Variants in CHRM2 observed in about 807,000 individuals in gnomAD.
CHRM2 encodes the protein muscarinic acetylcholine receptor M2.
CHRM2 carries 8 observed loss-of-function variants against 25.0 expected under a neutral mutation model. That is an observed-to-expected ratio of 0.32 (90% CI 0.19 to 0.58). CHRM2 has a LOEUF of 0.58. Ranked by LOEUF, CHRM2 falls within the 20% of genes least tolerant of loss-of-function variation. The pLI, the probability that CHRM2 is intolerant of heterozygous loss-of-function variation, is 0.88. For synonymous variants in CHRM2, 202 were observed against 205.7 expected (o/e 0.98, Z 0.15); for missense variants, 440 against 567.1 (o/e 0.78, Z 2.28).
intron 3 of CHRM2, among the ~76,000 whole-genome samples, chr7:137,013,465 T>C (rs1804959297): frequency 6.6e-6 from 1 of 151,974 alleles, no homozygotes; most frequent in African/African-American, 2.4e-5. Flanking sequence ...TAATCAATAT[T>C]CCCAAATTTT....
chr7:136,965,644 A>C (rs1212053593), intron 2 of CHRM2, among the ~76,000 whole-genome samples: 1 of 152,086 alleles, frequency 6.6e-6, no homozygotes, highest in Non-Finnish European at 1.5e-5. Context: ...AAGAAAAAGA[A>C]GCTCCTACAG....
intron 2 of CHRM2, among the ~76,000 whole-genome samples, chr7:136,914,954 G>T (rs992693564): frequency 3.3e-5 from 5 of 151,842 alleles, no homozygotes; most frequent in African/African-American, 4.8e-5. Flanking sequence ...CTAACAAAAA[G>T]AATTGTGATC....
chr7:136,906,907 C>T (rs534757958), intron 2 of CHRM2: 15 of 151,836 alleles, frequency 9.9e-5, no homozygotes, highest in African/African-American at 3.2e-4. Flanking sequence ...ATAAAACTCA[C>T]CATAATGCAG....
chr7:136,870,349 C>G (rs917078306), intron 2 of CHRM2: 8 of 152,640 alleles, frequency 5.2e-5, no homozygotes, highest in South Asian at 2.1e-4. Context: ...TGCCTGGTGC[C>G]GGTAGACGCG....
intron 2 of CHRM2, among the ~76,000 whole-genome samples, chr7:136,941,176 G>A (rs1199693816): frequency 6.6e-5 from 10 of 152,050 alleles, no homozygotes; most frequent in East Asian, 1.9e-4. Flanking sequence ...AAATACTACC[G>A]CTGTTATATC....
At chr7:136,930,898 CAAAAAAAAAAAA>C (rs57705639) in intron 2 of CHRM2, among the ~76,000 whole-genome samples, 617 of 61,148 alleles carry the variant, frequency 0.01, 8 homozygotes, top group African/African-American at 0.022. Flanking sequence ...CTCATTCTCT[CAAAAAAAAAAAA>C]AAAAAAAAAA....
intron 2 of CHRM2, chr7:136,903,110 G>T: frequency 1.1e-5 from 6 of 533,068 alleles, no homozygotes; most frequent in South Asian, 8.4e-5. Context: ...GGCTAGTGTA[G>T]GTGTAGGTTT....
intron 2 of CHRM2, among the ~76,000 whole-genome samples, chr7:136,974,210 T>G (rs1801968747): frequency 6.6e-6 from 1 of 152,176 alleles, no homozygotes; most frequent in Admixed American, 6.5e-5. Flanking sequence ...GAGAGGGATA[T>G]CATGATCATT....
At chr7:136,979,364 G>A (rs564740086) in intron 2 of CHRM2, among the ~76,000 whole-genome samples, 2 of 152,278 alleles carry the variant, frequency 1.3e-5, no homozygotes, top group South Asian at 4.2e-4. Flanking sequence ...CAGATGGATA[G>A]ATTGCAAAAT....
intron 2 of CHRM2, among the ~76,000 whole-genome samples, chr7:136,880,363 A>G (rs1796218125): frequency 6.6e-6 from 1 of 151,890 alleles, no homozygotes; most frequent in Non-Finnish European, 1.5e-5. Flanking sequence ...TGCACCAAAT[A>G]TTGGTCAGAT....
At chr7:136,876,366 T>C (rs963059806) in intron 2 of CHRM2, among the ~76,000 whole-genome samples, 1 of 152,144 alleles carries the variant, frequency 6.6e-6, no homozygotes, top group Non-Finnish European at 1.5e-5. Context: ...TTATAAATGA[T>C]GGCAATATAC....
At chr7:136,946,866 T>C (rs1215794047) in intron 2 of CHRM2, among the ~76,000 whole-genome samples, 1 of 152,164 alleles carries the variant, frequency 6.6e-6, no homozygotes, top group African/African-American at 2.4e-5. Context: ...CAAAGGCCAC[T>C]TTCTGACTCT....
chr7:136,962,188 A>AGTG (rs1801131665), intron 2 of CHRM2, among the ~76,000 whole-genome samples: 1 of 151,588 alleles, frequency 6.6e-6, no homozygotes, highest in Non-Finnish European at 1.5e-5. Context: ...AAACGAGTGC[A>AGTG]GTGGTGCAAT....
intron 2 of CHRM2, among the ~76,000 whole-genome samples, chr7:136,985,523 A>G (rs1008378855): frequency 6.6e-6 from 1 of 150,838 alleles, no homozygotes; most frequent in Non-Finnish European, 1.5e-5. Flanking sequence ...AAAAAAAAAA[A>G]AAAAACAAAA....
intron 2 of CHRM2, among the ~76,000 whole-genome samples, chr7:136,926,058 G>T (rs886122546): frequency 2.0e-5 from 3 of 152,042 alleles, no homozygotes; most frequent in Non-Finnish European, 4.4e-5. Context: ...CCAACATGGT[G>T]AAACACCACG....
chr7:136,952,463 G>C (rs1249887236), intron 2 of CHRM2, among the ~76,000 whole-genome samples: 1 of 152,094 alleles, frequency 6.6e-6, no homozygotes, highest in Non-Finnish European at 1.5e-5. Flanking sequence ...TGTTCAAATT[G>C]TTTATGTACT....
intron 2 of CHRM2, among the ~76,000 whole-genome samples, chr7:136,875,377 G>A (rs1048108911): frequency 6.6e-6 from 1 of 152,074 alleles, no homozygotes; most frequent in African/African-American, 2.4e-5. Flanking sequence ...AAGTGAGGTT[G>A]ATATGCTATA....
intron 2 of CHRM2, among the ~76,000 whole-genome samples, chr7:136,931,167 G>A (rs192315215): frequency 8.8e-4 from 134 of 152,248 alleles, no homozygotes; most frequent in Non-Finnish European, 1.5e-4. Flanking sequence ...ATAACAGATA[G>A]AAACATGTTC....
chr7:137,015,722 C>T lies in CHRM2; in HGVS notation c.857C>T (p.Ser286Phe), dbSNP rs1432943049. ...QGEEKESSND[S>F]TSVSAVASNM... ...GAGGAGAAGGAGAGCTCCAATGACT[C>T]CACCTCAGTCAGTGCTGTTGCCTCT... is the stretch of plus-strand genomic sequence containing the variant. The change falls in exon 4 of 4, where the codon TCC (serine) becomes TTC (phenylalanine). Residue 286 changes from serine to phenylalanine, a missense_variant. Ser to Phe is a radical substitution (Grantham distance 155). Coordinates refer to ENST00000680005, the MANE Select transcript of CHRM2 (RefSeq NM_001006630.2). This position sits in a 1 kb window ranked among gnomAD's most constrained non-coding sequence, Gnocchi z 5.1. The T allele has an allele frequency of 6.2e-7, 1 of 1,613,248 alleles. No individual in the cohort carries two copies. Among genetic ancestry groups the T allele is most frequent in the Admixed American group, 1.7e-5 (1 of 59,902 alleles).
Sources: allele counts gnomAD v4.1 joint callset (sites outside exome capture counted in the v4.1 genomes callset), GRCh38; gene constraint gnomAD v4.1.1; non-coding constraint Gnocchi (gnomAD v3.1); transcripts MANE v1.5; gene names NCBI Gene and HGNC (gene_info 2026-07-23, HGNC 2026-07-21).